SGCZ: variants seen among roughly 807,000 people sequenced by gnomAD.
SGCZ encodes zeta-sarcoglycan.
In SGCZ, 40 loss-of-function variants were observed where a neutral mutation model predicts 41.3. That is an observed-to-expected ratio of 0.97 (90% confidence interval 0.75 to 1.26). SGCZ has a LOEUF of 1.26. Ranked by LOEUF, SGCZ falls within the 50% of genes most tolerant of loss-of-function variation. The pLI, the probability that SGCZ is intolerant of heterozygous loss-of-function variation, is 0.00. For missense variants in SGCZ, 552 were observed against 369.8 expected (o/e 1.49, Z -4.04); for synonymous variants, 206 against 137.5 (o/e 1.50, Z -3.49).
intron 6 of SGCZ, among the ~76,000 whole-genome samples, chr8:14,103,939 C>A (rs751004292): frequency 2.0e-5 from 3 of 152,102 alleles, no homozygotes; most frequent in Non-Finnish European, 4.4e-5. Context: ...CACTGATTTT[C>A]CCTGATACAC....
intron 2 of SGCZ, among the ~76,000 whole-genome samples, chr8:14,328,110 G>A (rs539065745): frequency 6.6e-6 from 1 of 152,138 alleles, no homozygotes; most frequent in Non-Finnish European, 1.5e-5. Context: ...ATATTACCTA[G>A]ATGAAATGAT....
At chr8:14,779,192 A>G (rs181499573) in intron 1 of SGCZ, among the ~76,000 whole-genome samples, 36 of 152,314 alleles carry the variant, frequency 2.4e-4, no homozygotes, top group Admixed American at 2.6e-4. Context: ...CTATATAACC[A>G]ATAGATTATG....
intron 3 of SGCZ, among the ~76,000 whole-genome samples, chr8:14,257,625 C>T (rs951249885): frequency 7.1e-5 from 10 of 140,648 alleles, no homozygotes; most frequent in African/African-American, 2.3e-4. Flanking sequence ...AATGCTATCC[C>T]TCCCTCCTCC....
chr8:14,415,150 G>C (rs1799461109), intron 2 of SGCZ, among the ~76,000 whole-genome samples: 1 of 151,516 alleles, frequency 6.6e-6, no homozygotes, highest in South Asian at 2.1e-4. Context: ...TTGATTCATT[G>C]GGTCCTTTGA....
At chr8:15,103,383 C>T (rs1008244537) in intron 1 of SGCZ, among the ~76,000 whole-genome samples, 2 of 145,366 alleles carry the variant, frequency 1.4e-5, no homozygotes, top group African/African-American at 2.6e-5. Flanking sequence ...CCTAGGCAAC[C>T]AAGTGAGACC....
chr8:14,759,454 A>G (rs895172232), intron 1 of SGCZ, among the ~76,000 whole-genome samples: 5 of 152,216 alleles, frequency 3.3e-5, no homozygotes, highest in African/African-American at 1.2e-4. Context: ...CAACACATTT[A>G]ATATTTTTGT....
At chr8:15,165,926 G>A (rs1799651956) in intron 1 of SGCZ, among the ~76,000 whole-genome samples, 1 of 152,318 alleles carries the variant, frequency 6.6e-6, no homozygotes, top group South Asian at 2.1e-4. Flanking sequence ...CCCAAGGTGT[G>A]AATCTTCTTT....
At chr8:15,007,294 G>T (rs1445649745) in intron 1 of SGCZ, among the ~76,000 whole-genome samples, 1 of 152,156 alleles carries the variant, frequency 6.6e-6, no homozygotes, top group African/African-American at 2.4e-5. Context: ...GTTACAAAAA[G>T]ATTGCACAAA....
chr8:14,911,827 A>G (rs1455311855), intron 1 of SGCZ, among the ~76,000 whole-genome samples: 1 of 151,918 alleles, frequency 6.6e-6, no homozygotes, highest in Non-Finnish European at 1.5e-5. Context: ...AACAAGACAC[A>G]TCTTATCTCT....
intron 1 of SGCZ, among the ~76,000 whole-genome samples, chr8:14,901,790 C>A (rs1441741811): frequency 6.6e-6 from 1 of 152,134 alleles, no homozygotes; most frequent in East Asian, 1.9e-4. Context: ...AAGAAAATAT[C>A]TATTTTTGTA....
At chr8:15,117,574 C>G (rs528706672) in intron 1 of SGCZ, among the ~76,000 whole-genome samples, 58 of 152,196 alleles carry the variant, frequency 3.8e-4, no homozygotes, top group African/African-American at 1.2e-3. Context: ...TTCTGAGCTC[C>G]TATTTTACCT....
rs922443103 is a variant in SGCZ, at chr8:14,458,839, C to G, written c.234+95893G>C. ...GGTTTAAAAGTATCATTCTCCAACT[C>G]AAAACAAACAAACAAACAACACCAT... On this transcript the variant is annotated intron_variant, in intron 2 of 7. Transcript: ENST00000382080. Among the ~76,000 whole-genome samples the G allele has an allele frequency of 5.9e-5, 9 of 152,176 alleles. No homozygotes were observed. The East Asian group carries it at 1.5e-3, about 26-fold the overall frequency.
intron 1 of SGCZ, among the ~76,000 whole-genome samples, chr8:15,050,869 G>C (rs888627332): frequency 6.6e-6 from 1 of 152,144 alleles, no homozygotes; most frequent in African/African-American, 2.4e-5. Context: ...ATTAGCATAT[G>C]CCTGAATGTT....
intron 2 of SGCZ, among the ~76,000 whole-genome samples, chr8:14,398,284 T>C (rs1798974880): frequency 6.6e-6 from 1 of 152,154 alleles, no homozygotes; most frequent in African/African-American, 2.4e-5. Context: ...ATGAGAACAG[T>C]GTGACCTATT....
intron 2 of SGCZ, among the ~76,000 whole-genome samples, chr8:14,430,095 C>T (rs1456098701): frequency 1.3e-5 from 2 of 152,066 alleles, no homozygotes; most frequent in Non-Finnish European, 2.9e-5. Context: ...CAGACAGATT[C>T]ACAGCAGAAT....
At chr8:14,422,257 A>G (rs1008162072) in intron 2 of SGCZ, among the ~76,000 whole-genome samples, 1 of 152,186 alleles carries the variant, frequency 6.6e-6, no homozygotes, top group African/African-American at 2.4e-5. Context: ...CACAAGACCT[A>G]TTTAACTAAC....
intron 3 of SGCZ, among the ~76,000 whole-genome samples, chr8:14,288,868 G>A (rs1800741006): frequency 6.6e-6 from 1 of 151,990 alleles, no homozygotes; most frequent in African/African-American, 2.4e-5. Flanking sequence ...GTTTTCCATG[G>A]GGCTGTCCTA....
intron 1 of SGCZ, among the ~76,000 whole-genome samples, chr8:15,188,846 A>G (rs1384206411): frequency 2.6e-5 from 4 of 152,178 alleles, no homozygotes; most frequent in South Asian, 2.1e-4. Context: ...AAGAGGAAGG[A>G]AAGGCAGAGA....
intron 1 of SGCZ, among the ~76,000 whole-genome samples, chr8:14,848,073 C>A (rs899051048): frequency 3.3e-5 from 5 of 151,912 alleles, no homozygotes; most frequent in African/African-American, 4.8e-5. Context: ...AAATGTATTT[C>A]CATACTAGCA....
Sources: allele counts gnomAD v4.1 joint callset (sites outside exome capture counted in the v4.1 genomes callset), GRCh38; gene constraint gnomAD v4.1.1; transcripts MANE v1.5; gene names NCBI Gene and HGNC (gene_info 2026-07-23, HGNC 2026-07-21).